The following SH3RF2 variants were observed in gnomAD, a reference collection of about 807,000 sequenced individuals.
The protein encoded by SH3RF2 is E3 ubiquitin-protein ligase SH3RF2.
Under a neutral mutation model 59.0 loss-of-function variants are expected in SH3RF2, and 43 were observed. The observed-to-expected ratio is 0.73, with a 90% CI of 0.57 to 0.94. The LOEUF (loss-of-function observed/expected upper bound fraction) is 0.94. SH3RF2 is among the 40% of genes least tolerant of loss of function. The pLI is 0.00. For synonymous variants in SH3RF2, 391 were observed against 391.5 expected, an observed-to-expected ratio of 1.00 and a Z score of 0.01; for missense variants, 930 against 940.1, an observed-to-expected ratio of 0.99 and a Z score of 0.14.
chr5:145,949,006 A>G (rs75224511), intron 2 of SH3RF2, among the ~76,000 whole-genome samples: 1,768 of 152,346 alleles, frequency 0.012, 35 homozygotes, highest in African/African-American at 0.04. Context: ...AACTGCGGTT[A>G]GATTAGCCAG....
At chr5:146,073,524 C>T (rs2150029077) in intron 9 of SH3RF2, among the ~76,000 whole-genome samples, 1 of 152,330 alleles carries the variant, frequency 6.6e-6, no homozygotes, top group East Asian at 1.9e-4. Flanking sequence ...TCAGAAAATG[C>T]TGATTAAACC....
At chr5:145,942,929 A>T (rs942433719) in intron 2 of SH3RF2, among the ~76,000 whole-genome samples, 18 of 152,280 alleles carry the variant, frequency 1.2e-4, no homozygotes, top group African/African-American at 3.8e-4. Context: ...ATTGTTTGTT[A>T]GCTGTGTGGC....
At chr5:146,055,152 T>G (rs6891636) in intron 7 of SH3RF2, among the ~76,000 whole-genome samples, 55,277 of 152,122 alleles carry the variant, frequency 0.36, 10,264 homozygotes, top group Non-Finnish European at 0.38. Flanking sequence ...GGGCCTACCA[T>G]CTGCTTTAGT....
intron 2 of SH3RF2, among the ~76,000 whole-genome samples, chr5:145,959,497 T>C (rs1758543816): frequency 6.6e-6 from 1 of 152,036 alleles, no homozygotes; most frequent in Non-Finnish European, 1.5e-5. Context: ...CCCCTCTGCC[T>C]TAACTCCCCT....
At chr5:146,067,899 T>C (rs1012027739), downstream of SH3RF2, among the ~76,000 whole-genome samples, 4 of 152,208 alleles carry the variant, frequency 2.6e-5, no homozygotes, top group Admixed American at 6.5e-5. Context: ...TCCATTCCAA[T>C]TGGCCGGTGC....
intron 2 of SH3RF2, 33 bp from the exon 3 acceptor site, chr5:146,000,025 A>G (rs201618817): frequency 1.2e-5 from 19 of 1,602,742 alleles, no homozygotes; most frequent in Non-Finnish European, 1.2e-5. Context: ...ACTCTAAGCT[A>G]AGTACATATC....
At chr5:146,005,837 A>G (rs1430871353) in intron 4 of SH3RF2, among the ~76,000 whole-genome samples, 2 of 148,034 alleles carry the variant, frequency 1.4e-5, no homozygotes, top group Admixed American at 1.4e-4. Context: ...AGCCTAACAC[A>G]GAACAAGCAC....
At chr5:146,024,967 T>C (rs1761474925) in intron 5 of SH3RF2, among the ~76,000 whole-genome samples, 1 of 152,220 alleles carries the variant, frequency 6.6e-6, no homozygotes. Context: ...TGGGTCCCCA[T>C]TAGCCTTTTA....
intron 5 of SH3RF2, among the ~76,000 whole-genome samples, chr5:146,026,556 T>C (rs1236524867): frequency 1.3e-5 from 2 of 152,188 alleles, no homozygotes; most frequent in Non-Finnish European, 2.9e-5. Flanking sequence ...ATGGTTATTG[T>C]TGTGATTCTT....
intron 2 of SH3RF2, among the ~76,000 whole-genome samples, chr5:145,978,613 C>A (rs1328789106): frequency 6.6e-6 from 1 of 151,400 alleles, no homozygotes; most frequent in Non-Finnish European, 1.5e-5. Flanking sequence ...CAGGGTTTAC[C>A]TCATTTTCCT....
At chr5:146,067,432 G>C (rs554761426), downstream of SH3RF2, among the ~76,000 whole-genome samples, 4 of 152,282 alleles carry the variant, frequency 2.6e-5, no homozygotes, top group South Asian at 6.2e-4. Flanking sequence ...GTGCAGGACC[G>C]CATCTCTCAA....
chr5:146,013,805 CA>C lies in SH3RF2; in HGVS notation c.809del (p.Asn270ThrfsTer36). On this transcript the variant is annotated frameshift_variant, in exon 5 of 10. Coordinates refer to ENST00000359120, the MANE Select transcript of SH3RF2 (RefSeq NM_152550.4). LOFTEE classifies it high-confidence loss of function. ...AACAAAGGTCGCCAGTCATCCCGCA[CA>C]AAAAACCTGTCCCTGGTGTCCTCGT... ...EKNKGRQSSR[T>X]KNLSLVSSSS... 1 of 1,614,138 alleles carries C rather than the reference CA, an allele frequency of 6.2e-7. No homozygotes were observed. Among genetic ancestry groups the C allele is most frequent in the Non-Finnish European group, 8.5e-7 (1 of 1,179,994 alleles).
intron 5 of SH3RF2, among the ~76,000 whole-genome samples, chr5:146,025,347 G>A (rs1402926843): frequency 6.6e-6 from 1 of 152,216 alleles, no homozygotes; most frequent in East Asian, 1.9e-4. Context: ...CTGCCTGCCT[G>A]TGCAGTCGCC....
At chr5:146,022,053 C>T (rs114358795) in intron 5 of SH3RF2, among the ~76,000 whole-genome samples, 11 of 152,076 alleles carry the variant, frequency 7.2e-5, no homozygotes, top group African/African-American at 2.7e-4. Flanking sequence ...ATTTTTTGGA[C>T]TTTTTATAAA....
intron 5 of SH3RF2, among the ~76,000 whole-genome samples, chr5:146,019,677 T>C (rs1761235754): frequency 6.6e-6 from 1 of 152,204 alleles, no homozygotes. Flanking sequence ...ATTGAATCTG[T>C]AGATTACTTT....
chr5:145,974,021 G>A (rs115831079), intron 2 of SH3RF2, among the ~76,000 whole-genome samples: 2,139 of 152,316 alleles, frequency 0.014, 40 homozygotes, highest in African/African-American at 0.049. Flanking sequence ...GCCATCAAGA[G>A]GTTGGTCAGG....
intron 5 of SH3RF2, among the ~76,000 whole-genome samples, chr5:146,017,742 G>C (rs1406534757): frequency 6.6e-6 from 1 of 151,934 alleles, no homozygotes; most frequent in African/African-American, 2.4e-5. Flanking sequence ...CCTTAGTTTG[G>C]GTCCTCATCT....
At chr5:145,971,061 G>T (rs1378148478) in intron 2 of SH3RF2, among the ~76,000 whole-genome samples, 2 of 152,158 alleles carry the variant, frequency 1.3e-5, no homozygotes, top group Non-Finnish European at 2.9e-5. Flanking sequence ...GGCATCCTTT[G>T]CATTGGGCTG....
intron 2 of SH3RF2, among the ~76,000 whole-genome samples, chr5:145,991,370 A>G (rs1276820127): frequency 6.6e-6 from 1 of 152,204 alleles, no homozygotes; most frequent in Non-Finnish European, 1.5e-5. Context: ...CAATAATGTA[A>G]GAAAAATGTC....
Sources: allele counts gnomAD v4.1 joint callset (sites outside exome capture counted in the v4.1 genomes callset), GRCh38; gene constraint gnomAD v4.1.1; transcripts MANE v1.5; gene names NCBI Gene and HGNC (gene_info 2026-07-23, HGNC 2026-07-21).